Variants in PDE4D observed in about 807,000 individuals in gnomAD.
The protein encoded by PDE4D is 3',5'-cyclic-AMP phosphodiesterase 4D.
In PDE4D, 24 loss-of-function variants were observed where a neutral mutation model predicts 87.4. The observed-to-expected ratio is 0.27, with a 90% CI of 0.20 to 0.39. PDE4D has a LOEUF of 0.39. Among genes scored for constraint, PDE4D ranks in the 10% least tolerant of loss-of-function variants. The probability of loss-of-function intolerance (pLI) is 1.00; values close to 1 mark genes in which losing one functional copy is unlikely to be tolerated. For missense variants in PDE4D, 714 were observed against 1,041.0 expected (o/e 0.69, Z 4.32); for synonymous variants, 384 against 383.2 (o/e 1.00, Z -0.02).
At chr5:59,165,955 T>C (rs892577110) in intron 5 of PDE4D, among the ~76,000 whole-genome samples, 2 of 152,162 alleles carry the variant, frequency 1.3e-5, no homozygotes, top group Non-Finnish European at 2.9e-5. Context: ...TTCCCCTTGA[T>C]TTGTAGCCTT....
chr5:59,830,610 G>T (rs1217369370), intron 1 of PDE4D, among the ~76,000 whole-genome samples: 2 of 151,958 alleles, frequency 1.3e-5, no homozygotes, highest in Non-Finnish European at 2.9e-5. Context: ...ATACCTTTCT[G>T]TACATTTCAT....
At chr5:60,109,542 C>T (rs1263042880) in intron 2 of PDE4D, among the ~76,000 whole-genome samples, 1 of 151,530 alleles carries the variant, frequency 6.6e-6, no homozygotes, top group Non-Finnish European at 1.5e-5. Flanking sequence ...AATCATGCTG[C>T]TATAAAGACA....
chr5:59,430,152 T>G, intron 1 of PDE4D: 1 of 705,990 alleles, frequency 1.4e-6, no homozygotes, highest in Non-Finnish European at 2.0e-6. Flanking sequence ...TGGTTAATTT[T>G]TTTCCCAACT....
intron 1 of PDE4D, among the ~76,000 whole-genome samples, chr5:59,520,898 C>T (rs1041479215): frequency 6.6e-6 from 1 of 151,642 alleles, no homozygotes; most frequent in Non-Finnish European, 1.5e-5. Flanking sequence ...CACATATATA[C>T]ACATATATAC....
intron 1 of PDE4D, among the ~76,000 whole-genome samples, chr5:59,332,387 G>T (rs1336412292): frequency 6.6e-6 from 1 of 151,998 alleles, no homozygotes; most frequent in African/African-American, 2.4e-5. Flanking sequence ...GAAAGCCCTG[G>T]GGTCCATTAT....
intron 5 of PDE4D, among the ~76,000 whole-genome samples, chr5:59,099,798 T>C (rs903657079): frequency 2.0e-5 from 3 of 152,150 alleles, no homozygotes; most frequent in Non-Finnish European, 4.4e-5. Flanking sequence ...TGCTCTTACC[T>C]CTTATCTCTT....
intron 1 of PDE4D, among the ~76,000 whole-genome samples, chr5:59,670,037 A>G (rs922478460): frequency 6.6e-6 from 1 of 152,134 alleles, no homozygotes; most frequent in South Asian, 2.1e-4. Flanking sequence ...TGTGGACTCT[A>G]TGCCACCACA....
At chr5:59,810,173 C>CGTGGCGTGGGAAAACCCG (rs1768187736) in intron 1 of PDE4D, among the ~76,000 whole-genome samples, 1 of 152,184 alleles carries the variant, frequency 6.6e-6, no homozygotes, top group Non-Finnish European at 1.5e-5. Context: ...AACATCAAAA[C>CGTGGCGTGGGAAAACCCG]GTGGCGTGGG....
intron 1 of PDE4D, among the ~76,000 whole-genome samples, chr5:59,718,069 C>G (rs765026798): frequency 6.6e-6 from 1 of 152,128 alleles, no homozygotes; most frequent in Non-Finnish European, 1.5e-5. Flanking sequence ...TCTCCATTTT[C>G]GAGAGGTCTG....
intron 1 of PDE4D, among the ~76,000 whole-genome samples, chr5:60,496,204 G>A (rs1749808228): frequency 6.6e-6 from 1 of 152,120 alleles, no homozygotes; most frequent in Non-Finnish European, 1.5e-5. Flanking sequence ...TGCTTTGCAC[G>A]CTCCTGAGTA....
chr5:59,848,575 C>G (rs1038479625), intron 1 of PDE4D, among the ~76,000 whole-genome samples: 2 of 151,746 alleles, frequency 1.3e-5, no homozygotes, highest in Non-Finnish European at 2.9e-5. Context: ...CTGCATGTAT[C>G]TATGTATATG....
At chr5:59,077,947 C>G (rs1243858184) in intron 5 of PDE4D, among the ~76,000 whole-genome samples, 1 of 152,232 alleles carries the variant, frequency 6.6e-6, no homozygotes, top group Non-Finnish European at 1.5e-5. Context: ...TAAAAAACCT[C>G]TTCATCCCAG....
chr5:59,609,183 A>C, intron 1 of PDE4D, among the ~76,000 whole-genome samples: 1 of 152,224 alleles, frequency 6.6e-6, no homozygotes, highest in East Asian at 1.9e-4. Flanking sequence ...GTAGAAGGAT[A>C]TAGATGCAAA....
chr5:59,604,441 G>C (rs901593594), intron 1 of PDE4D, among the ~76,000 whole-genome samples: 11 of 152,002 alleles, frequency 7.2e-5, no homozygotes, highest in African/African-American at 2.7e-4. Context: ...CAGCAGTGTA[G>C]AAATAGGAGA....
chr5:60,097,316 G>A (rs1279027558), intron 2 of PDE4D, among the ~76,000 whole-genome samples: 4 of 124,274 alleles, frequency 3.2e-5, no homozygotes, highest in Non-Finnish European at 7.4e-5. Context: ...AAGAAGGAAA[G>A]ATTGTCTTTT....
chr5:60,075,941 A>G (rs1328994361), intron 2 of PDE4D, among the ~76,000 whole-genome samples: 1 of 151,920 alleles, frequency 6.6e-6, no homozygotes, highest in Non-Finnish European at 1.5e-5. Flanking sequence ...GCTTCCTCAG[A>G]TTGGTTTCAA....
intron 3 of PDE4D, among the ~76,000 whole-genome samples, chr5:59,963,071 A>G (rs1470275030): frequency 6.6e-6 from 1 of 152,186 alleles, no homozygotes; most frequent in Non-Finnish European, 1.5e-5. Flanking sequence ...AGAAAGGGAC[A>G]CAATCCCAAT....
chr5:59,532,606 T>C (rs1426861619), intron 1 of PDE4D, among the ~76,000 whole-genome samples: 1 of 152,190 alleles, frequency 6.6e-6, no homozygotes, highest in Non-Finnish European at 1.5e-5. Context: ...AAATGTAAAT[T>C]ATTGATACTA....
At chr5:59,358,717 A>G (rs1294581058) in intron 1 of PDE4D, among the ~76,000 whole-genome samples, 2 of 151,442 alleles carry the variant, frequency 1.3e-5, no homozygotes, top group Non-Finnish European at 2.9e-5. Flanking sequence ...TGGTGGGGTG[A>G]GGTGGCTTGG....
Sources: allele counts gnomAD v4.1 joint callset (sites outside exome capture counted in the v4.1 genomes callset), GRCh38; gene constraint gnomAD v4.1.1; transcripts MANE v1.5; gene names NCBI Gene and HGNC (gene_info 2026-07-23, HGNC 2026-07-21).